SHC1: variants seen among roughly 807,000 people sequenced by gnomAD.
SHC1 encodes the protein SHC adaptor protein 1.
A neutral mutation model predicts 55.9 loss-of-function variants in SHC1; 30 were observed. That is an observed-to-expected ratio of 0.54 (90% CI 0.40 to 0.73). The LOEUF (loss-of-function observed/expected upper bound fraction) is 0.73. Among genes scored for constraint, SHC1 ranks in the 30% least tolerant of loss-of-function variants. The pLI, the probability that SHC1 is intolerant of heterozygous loss-of-function variation, is 0.00. For missense variants in SHC1, 675 were observed against 777.1 expected (o/e 0.87, Z 1.56); for synonymous variants, 309 against 306.1 (o/e 1.01, Z -0.10).
At chr1:154,966,912 G>A (rs1186911657) in intron 7 of SHC1, among the ~76,000 whole-genome samples, 1 of 152,182 alleles carries the variant, frequency 6.6e-6, no homozygotes, top group Non-Finnish European at 1.5e-5. Context: ...AGACCAGCCA[G>A]GACAACATAG....
upstream of SHC1, chr1:154,973,159 G>C (rs182207310): frequency 3.9e-5 from 6 of 152,274 alleles, no homozygotes; most frequent in East Asian, 1.2e-3. Context: ...TCTCCCTCTC[G>C]TGCCAAACCC....
chr1:154,967,958 A>G (rs1479852330), intron 6 of SHC1, 22 bp downstream of exon 6: 3 of 1,613,280 alleles, frequency 1.9e-6, no homozygotes, highest in African/African-American at 2.7e-5. Context: ...AGACCCACCC[A>G]GTGCTCCCCA....
In SHC1 at chr1:154,963,825, T is replaced by A; in HGVS notation, c.1733A>T (p.Gln578Leu). ...AGATCACAGTTTCCGCTCCACAGGT[T>A]GCTGTAGACACAGTTCGCTGCCCGC... ...ISAGSELCLQ[Q>L]PVERKL Residue 578 changes from glutamine to leucine, a missense_variant, in exon 12 of 12, where the codon CAA (glutamine) becomes CTA (leucine). Gln to Leu is a moderately radical substitution (Grantham distance 113, BLOSUM62 -2). This residue lies in a region of SHC1 where 360 missense variants were observed against 371.1 expected (regional missense o/e 0.97). Coordinates refer to ENST00000448116, the MANE Select transcript of SHC1 (RefSeq NM_001130040.2). 1 of 1,614,114 alleles carries A rather than the reference T, an allele frequency of 6.2e-7. No homozygotes were observed. The highest frequency in any genetic ancestry group is 8.5e-7 in the Non-Finnish European group (1 of 1,180,014).
upstream of SHC1, chr1:154,974,288 T>C (rs1657045069): frequency 2.5e-5 from 6 of 244,364 alleles, no homozygotes; most frequent in South Asian, 1.3e-4. Flanking sequence ...GCGGGCCGAT[T>C]TGGTGCCGGA....
At chr1:154,965,174 C>T (rs1655781127) in intron 11 of SHC1, 1 of 158,234 alleles carries the variant, frequency 6.3e-6, no homozygotes. Flanking sequence ...GTAGCTGGGA[C>T]TACAGGTGCC....
At chr1:154,968,642 G>C (rs1225433752) in intron 3 of SHC1, 28 bp from the exon 4 acceptor site, 7 of 1,613,838 alleles carry the variant, frequency 4.3e-6, no homozygotes, top group Non-Finnish European at 5.9e-6. Context: ...GTCTCAGAAG[G>C]TGAGGGTTCC....
At chr1:154,972,783 G>C (rs1481639382), upstream of SHC1, among the ~76,000 whole-genome samples, 1 of 152,164 alleles carries the variant, frequency 6.6e-6, no homozygotes, top group African/African-American at 2.4e-5. Context: ...GGAAGTGGCA[G>C]GAAATGGCGA....
At chr1:154,969,903 T>C (rs1656525439) in intron 1 of SHC1, 129 bp downstream of exon 1, 1 of 1,059,124 alleles carries the variant, frequency 9.4e-7, no homozygotes, top group Non-Finnish European at 1.4e-6. Context: ...ATGAGAAAGG[T>C]TTAGGAAATA....
chr1:154,969,901 G>T, intron 1 of SHC1, 131 bp downstream of exon 1: 1 of 1,041,210 alleles, frequency 9.6e-7, no homozygotes, highest in Non-Finnish European at 1.4e-6. Flanking sequence ...GGATGAGAAA[G>T]GTTTAGGAAA....
At chr1:154,969,880 A>G in intron 1 of SHC1, 152 bp downstream of exon 1, 3 of 878,128 alleles carry the variant, frequency 3.4e-6, no homozygotes, top group Non-Finnish European at 5.5e-6. Flanking sequence ...GGGGCTACAG[A>G]ATCGGGGAAG....
chr1:154,969,411 G>A lies in SHC1; in HGVS notation c.533C>T (p.Ala178Val). ...CTGAGTCCGGGTGTTGAAGTCCAGG[G>A]CACGCATTGACTGGAGGACCTCCAC... ...GCVEVLQSMR[A>V]LDFNTRTQVT... Residue 178 changes from alanine (A) to valine (V), a missense_variant, in exon 2 of 12, where the codon GCC becomes GTC. Transcript: ENST00000448116. The A allele has an allele frequency of 6.2e-7, 1 of 1,612,432 alleles. No homozygotes were observed. The highest frequency in any genetic ancestry group is 1.1e-5 in the South Asian group (1 of 90,706).
intron 1 of SHC1, 126 bp from the exon 2 acceptor site, chr1:154,969,574 C>G (rs1211716484): frequency 1.5e-6 from 1 of 663,042 alleles, no homozygotes; most frequent in Admixed American, 2.5e-5. Context: ...CTGCCCACTT[C>G]CCGTGGCTAC....
Position 154,968,852 on chromosome 1 carries a change from C to G in SHC1, c.567-18G>C. On this transcript the variant is annotated intron_variant, in intron 2 of 11. Coordinates refer to ENST00000448116, the MANE Select transcript of SHC1 (RefSeq NM_001130040.2). ...TGGCCTCCCTGGGGAAAGAGGGGTA[C>G]TCAGACCCAGCGCCTGCCTGCCTGC... 1 of 1,612,614 alleles carries G rather than the reference C, an allele frequency of 6.2e-7. No individual in the cohort carries two copies. The highest frequency in any genetic ancestry group is 8.5e-7 in the Non-Finnish European group (1 of 1,178,648).
intron 3 of SHC1, 41 bp from the exon 4 acceptor site, chr1:154,968,655 G>A (rs1656325892): frequency 1.2e-6 from 2 of 1,613,288 alleles, no homozygotes; most frequent in Non-Finnish European, 1.7e-6. Context: ...AGGGTTCCCA[G>A]CACAGGCAAA....
At chr1:154,968,706 A>G (rs543774341) in intron 3 of SHC1, 65 bp downstream of exon 3, 1 of 1,609,162 alleles carries the variant, frequency 6.2e-7, no homozygotes, top group South Asian at 1.1e-5. Context: ...CATGCCCCAC[A>G]CTTGCCTCCC....
In SHC1 at chr1:154,969,778, C is replaced by CT. The variant is rs1656500310; in HGVS notation, c.495+253dup. Among the ~76,000 whole-genome samples the CT allele has an allele frequency of 2.1e-5, 3 of 145,260 alleles. No individual in the cohort carries two copies. The South Asian group carries it at 6.4e-4, about 31-fold the overall frequency. Reference sequence around the variant, plus strand: ...CATTCATTCCAACACTTATTAAGAGCTTCTGCCATGCTGGGCATTGTGCTA... The same window carrying CT: ...CATTCATTCCAACACTTATTAAGAGCTTTCTGCCATGCTGGGCATTGTGCTA... On this transcript the variant is annotated intron_variant, in intron 1 of 11. Coordinates refer to ENST00000448116, the MANE Select transcript of SHC1 (RefSeq NM_001130040.2).
At chr1:154,968,347 C>T (rs1571441426) in intron 4 of SHC1, 90 bp from the exon 5 acceptor site, 1 of 1,533,438 alleles carries the variant, frequency 6.5e-7, no homozygotes, top group Non-Finnish European at 9.0e-7. Flanking sequence ...CAGTCTCATT[C>T]TCTGGGTTCC....
chr1:154,965,605 C>T lies in SHC1; in HGVS notation c.1564G>A (p.Val522Met). The change falls in exon 11 of 12, where the codon GTG (valine) becomes ATG (methionine). Residue 522 changes from valine (V) to methionine (M), a missense_variant. Coordinates refer to ENST00000448116, the MANE Select transcript of SHC1 (RefSeq NM_001130040.2). Reference protein sequence around the residue: ...RESTTTPGQYVLTGLQSGQPK... With the variant: ...RESTTTPGQYMLTGLQSGQPK... ...TGCCCACTCTGCAAGCCAGTGAGCA[C>T]ATACTGGCCAGGTGTGGTCGTGCTC... The T allele has an allele frequency of 6.2e-7, 1 of 1,614,192 alleles. No homozygotes were observed. Among genetic ancestry groups the T allele is most frequent in the Non-Finnish European group, 8.5e-7 (1 of 1,180,046 alleles).
At chr1:154,971,785 G>GACAGGAGAAAAATAAGT (rs1203964867), upstream of SHC1, among the ~76,000 whole-genome samples, 5 of 152,176 alleles carry the variant, frequency 3.3e-5, no homozygotes, top group African/African-American at 4.8e-5. Flanking sequence ...CGTCAATAAG[G>GACAGGAGAAAAATAAGT]ACAGGAGAAA....
Sources: gnomAD v4.1 joint callset for allele counts (sites outside exome capture counted in the v4.1 genomes callset) on GRCh38, gnomAD v4.1.1 for gene constraint, gnomAD v4.1.1 regional missense constraint, MANE v1.5 for transcripts, NCBI Gene and HGNC (gene_info 2026-07-23, HGNC 2026-07-21) for gene names.